APOBEC1: variants seen among roughly 807,000 people sequenced by gnomAD.
The protein encoded by APOBEC1 is C->U-editing enzyme APOBEC-1.
In APOBEC1, 22 loss-of-function variants were observed where a neutral mutation model predicts 26.3. That is an observed-to-expected ratio of 0.84 (90% CI 0.60 to 1.19). The LOEUF (loss-of-function observed/expected upper bound fraction) is 1.19. Among genes scored for constraint, APOBEC1 ranks in the 50% most tolerant of loss-of-function variants. The pLI is 0.00. For missense variants in APOBEC1, 253 were observed against 289.0 expected, an observed-to-expected ratio of 0.88 and a Z score of 0.90; for synonymous variants, 77 against 95.3, an observed-to-expected ratio of 0.81 and a Z score of 1.12.
intron 3 of APOBEC1, 63 bp downstream of exon 3, chr12:7,652,375 A>C: frequency 6.8e-7 from 1 of 1,473,884 alleles, no homozygotes; most frequent in African/African-American, 1.4e-5. Context: ...TTCTGGCCTA[A>C]AAACAGCTAC....
chr12:7,649,602 G>A lies in APOBEC1; in HGVS notation c.656C>T (p.Pro219Leu), dbSNP rs778220694. Residue 219 changes from proline (P) to leucine (L), a missense_variant, in exon 5 of 5, where the codon CCG (proline) becomes CTG (leucine). Physicochemically the swap from Pro to Leu is moderately conservative, Grantham distance 98. Coordinates refer to ENST00000229304, the MANE Select transcript of APOBEC1 (RefSeq NM_001644.5). ...HLQNCHYQTIPPHILLATGLI... is the reference protein window; with the variant it reads ...HLQNCHYQTILPHILLATGLI... Reference sequence around the variant, plus strand: ...CCCTGTAGCTAAAAGGATGTGTGGCGGAATCGTTTGGTAATGGCAGTTTTG... The same window carrying A: ...CCCTGTAGCTAAAAGGATGTGTGGCAGAATCGTTTGGTAATGGCAGTTTTG... 52 of 1,613,936 alleles carry A rather than the reference G, an allele frequency of 3.2e-5. No homozygotes were observed. Among genetic ancestry groups the A allele is most frequent in the Admixed American group, 1.7e-4 (10 of 59,982 alleles).
chr12:7,662,776 A>G (rs1863837683), intron 1 of APOBEC1, among the ~76,000 whole-genome samples: 2 of 152,130 alleles, frequency 1.3e-5, no homozygotes, highest in Admixed American at 1.3e-4. Context: ...AGCACAGGGA[A>G]CACCAGGTGC....
upstream of APOBEC1, among the ~76,000 whole-genome samples, chr12:7,666,235 T>C (rs1863890497): frequency 6.6e-6 from 1 of 152,116 alleles, no homozygotes; most frequent in Non-Finnish European, 1.5e-5. Context: ...TTTTTTGTTT[T>C]GTTTTGTTTT....
intron 1 of APOBEC1, among the ~76,000 whole-genome samples, chr12:7,663,679 G>A (rs1426573322): frequency 6.6e-6 from 1 of 152,142 alleles, no homozygotes; most frequent in Admixed American, 6.6e-5. Context: ...GACATATGCT[G>A]TGTCTACACT....
chr12:7,659,306 AAAAAAAAAAAAAAAAAATATAT>A (rs1236238485), intron 1 of APOBEC1, among the ~76,000 whole-genome samples: 1 of 85,960 alleles, frequency 1.2e-5, no homozygotes, highest in Non-Finnish European at 2.1e-5. Flanking sequence ...AAAAAAAAAA[AAAAAAAAAAAAAAAAAATATAT>A]ATATATATAT....
chr12:7,652,540 T>A lies in APOBEC1; in HGVS notation c.340A>T (p.Ile114Phe), dbSNP rs774211033. ...LSRHPGVTLV[I>F]YVARLFWHMD... Reference sequence around the variant, plus strand: ...TGCCAAAAAAGCCGAGCTACGTAGATCACTAGAGTCACACCAGGGTGCCGA... The same window carrying A: ...TGCCAAAAAAGCCGAGCTACGTAGAACACTAGAGTCACACCAGGGTGCCGA... The change falls in exon 3 of 5, where the codon ATC (isoleucine) becomes TTC (phenylalanine). Residue 114 changes from isoleucine (I) to phenylalanine (F), a missense_variant. Physicochemically the swap from Ile to Phe is conservative, Grantham distance 21 (BLOSUM62 0). Coordinates refer to ENST00000229304, the MANE Select transcript of APOBEC1 (RefSeq NM_001644.5). 4 of 1,614,162 alleles carry A rather than the reference T, an allele frequency of 2.5e-6. No homozygotes were observed. In the East Asian group the frequency reaches 8.9e-5, roughly 36 times the overall value.
At position 7,649,600 on chromosome 12, in the gene APOBEC1, G is replaced by T; in HGVS notation, c.658C>A (p.Pro220Thr). ...AGCCCTGTAGCTAAAAGGATGTGTG[G>T]CGGAATCGTTTGGTAATGGCAGTTT... ...LQNCHYQTIP[P>T]HILLATGLIH... Residue 220 changes from proline to threonine, a missense_variant, in exon 5 of 5, where the codon CCA becomes ACA. Pro to Thr is a conservative substitution (Grantham distance 38, BLOSUM62 -1). Transcript: ENST00000229304. 6.2e-7 allele frequency: 1 copy of T among 1,614,166 alleles called. No individual in the cohort carries two copies. The highest frequency in any genetic ancestry group is 8.5e-7 in the Non-Finnish European group (1 of 1,180,024).
At chr12:7,649,951 G>A (rs1287740169) in intron 4 of APOBEC1, among the ~76,000 whole-genome samples, 1 of 152,008 alleles carries the variant, frequency 6.6e-6, no homozygotes, top group African/African-American at 2.4e-5. Context: ...AAGTAGCTGG[G>A]ACTACAGGCA....
At chr12:7,657,372 G>A (rs1342352589) in intron 1 of APOBEC1, among the ~76,000 whole-genome samples, 1 of 152,154 alleles carries the variant, frequency 6.6e-6, no homozygotes, top group African/African-American at 2.4e-5. Context: ...TTTAAGGCTG[G>A]AGAGAGGTGG....
chr12:7,657,890 A>G (rs1168609667), intron 1 of APOBEC1, among the ~76,000 whole-genome samples: 5 of 152,074 alleles, frequency 3.3e-5, no homozygotes, highest in Non-Finnish European at 7.4e-5. Context: ...AAAGATAATA[A>G]TAATTAAACT....
In APOBEC1 at chr12:7,652,841, A is replaced by G; in HGVS notation, c.45-6T>C. 6.4e-7 allele frequency: 1 copy of G among 1,568,156 alleles called. No individual in the cohort carries two copies. The highest frequency in any genetic ancestry group is 8.6e-7 in the Non-Finnish European group (1 of 1,159,946). On this transcript the variant is annotated splice_polypyrimidine_tract_variant and splice_region_variant and intron_variant, in intron 2 of 4. Transcript: ENST00000229304. ...CCCAGGGTTCGATTCTTCTCCTGAA[A>G]TACAAAAAGCAGCCCACACTGTCAT...
rs139204512 is a variant in APOBEC1 at position 7,665,735 on chromosome 12, G to A, written c.16+122C>T. 8.4e-4 allele frequency: 893 copies of A among 1,059,356 alleles called. 8 individuals are homozygous for A. In the African/African-American group the frequency reaches 0.013, roughly 15 times the overall value. 65.6% of individuals were successfully genotyped at this position (1,059,356 alleles called of 1,614,324 possible). A position where few individuals can be genotyped will look rare whatever the true frequency, so the allele number is the denominator to read the frequency against. On this transcript the variant is annotated intron_variant, in intron 1 of 4. Transcript: ENST00000229304. ...ATAGGGAAGTTTGAAAACACCCACA[G>A]ATGCAAGAATCAGCAGGACACACAC...
intron 3 of APOBEC1, 39 bp from the exon 4 acceptor site, chr12:7,651,180 A>G (rs748114827): frequency 5.7e-6 from 8 of 1,407,768 alleles, no homozygotes; most frequent in African/African-American, 4.2e-5. Flanking sequence ...AACAAGCACA[A>G]TGGTAAATTA....
intron 2 of APOBEC1, among the ~76,000 whole-genome samples, chr12:7,653,122 G>A (rs1863669366): frequency 1.3e-5 from 2 of 151,836 alleles, no homozygotes. Flanking sequence ...AGTAGAGACG[G>A]GGTTTCACCA....
chr12:7,651,042 T>A lies in APOBEC1; in HGVS notation c.542A>T (p.Glu181Val). Residue 181 changes from glutamate to valine, a missense_variant, in exon 4 of 5, where the codon GAG (glutamate) becomes GTG (valine). By Grantham distance (121) the Glu-to-Val change is moderately radical (BLOSUM62 -2). Transcript: ENST00000229304. Reference protein sequence around the residue: ...PPLWMMLYALELHCIILSLPP... With the variant: ...PPLWMMLYALVLHCIILSLPP... The stretch of plus-strand genomic sequence containing the variant: ...ACTTACTAGAATTATGCAGTGCAGC[T>A]CCAGTGCGTACAACATCATCCACAG... The A allele has an allele frequency of 6.2e-7, 1 of 1,613,114 alleles. No individual in the cohort carries two copies. The highest frequency in any genetic ancestry group is 8.5e-7 in the Non-Finnish European group (1 of 1,179,078).
At chr12:7,655,546 A>C (rs1863702316) in intron 1 of APOBEC1, among the ~76,000 whole-genome samples, 1 of 152,044 alleles carries the variant, frequency 6.6e-6, no homozygotes, top group Non-Finnish European at 1.5e-5. Context: ...ATGGAAATAC[A>C]GGAAATGTTA....
At chr12:7,660,349 A>AAGGC (rs1863791389) in intron 1 of APOBEC1, among the ~76,000 whole-genome samples, 1 of 32,954 alleles carries the variant, frequency 3.0e-5, no homozygotes, top group Non-Finnish European at 1.1e-4. Context: ...GGAAGGAAGG[A>AAGGC]AGGAAGGAAG....
At chr12:7,664,154 CT>C (rs1863861080) in intron 1 of APOBEC1, among the ~76,000 whole-genome samples, 1 of 152,092 alleles carries the variant, frequency 6.6e-6, no homozygotes, top group Admixed American at 6.6e-5. Context: ...CACACCTGAC[CT>C]TAAAAAAGAA....
intron 3 of APOBEC1, 108 bp downstream of exon 3, chr12:7,652,330 T>G (rs754138318): frequency 9.5e-7 from 1 of 1,048,058 alleles, no homozygotes; most frequent in East Asian, 2.6e-5. Context: ...TTTTGGACTT[T>G]TACTTCTGAG....
Sources: allele counts gnomAD v4.1 joint callset (sites outside exome capture counted in the v4.1 genomes callset), GRCh38; gene constraint gnomAD v4.1.1; transcripts MANE v1.5; gene names NCBI Gene and HGNC (gene_info 2026-07-23, HGNC 2026-07-21).